The following EDIL3 variants were observed in gnomAD, a reference collection of about 807,000 sequenced individuals.
The protein encoded by EDIL3 is EGF-like repeat and discoidin I-like domain-containing protein 3.
A neutral mutation model predicts 67.4 loss-of-function variants in EDIL3; 37 were observed. The observed-to-expected ratio is 0.55, with a 90% CI of 0.42 to 0.72. The LOEUF (loss-of-function observed/expected upper bound fraction) is 0.72, where lower values mean the gene tolerates loss of function less well. Ranked by LOEUF, EDIL3 falls within the 30% of genes least tolerant of loss-of-function variation. The probability of loss-of-function intolerance (pLI) is 0.00; values close to 1 mark genes in which losing one functional copy is unlikely to be tolerated. For synonymous variants in EDIL3, 195 were observed against 196.3 expected, an observed-to-expected ratio of 0.99 and a Z score of 0.05; for missense variants, 527 against 586.3, an observed-to-expected ratio of 0.90 and a Z score of 1.04.
At chr5:84,187,473 T>TA (rs971991467) in intron 3 of EDIL3, among the ~76,000 whole-genome samples, 2 of 152,102 alleles carry the variant, frequency 1.3e-5, no homozygotes, top group Admixed American at 6.6e-5. Context: ...GGTCAATTTT[T>TA]AAAAAATATG....
intron 9 of EDIL3, among the ~76,000 whole-genome samples, chr5:84,041,333 T>C (rs1485773805): frequency 1.3e-5 from 2 of 151,712 alleles, no homozygotes; most frequent in Non-Finnish European, 2.9e-5. Context: ...AGAATCTCCG[T>C]TTTCAGCCAG....
At chr5:84,102,119 C>A (rs762847353) in intron 6 of EDIL3, among the ~76,000 whole-genome samples, 14 of 152,054 alleles carry the variant, frequency 9.2e-5, no homozygotes, top group Non-Finnish European at 1.6e-4. Flanking sequence ...AAATTTAACA[C>A]CTCTCATATT....
At chr5:84,179,088 G>A (rs1423821990) in intron 4 of EDIL3, among the ~76,000 whole-genome samples, 1 of 152,166 alleles carries the variant, frequency 6.6e-6, no homozygotes, top group Admixed American at 6.5e-5. Context: ...GGGGTGGCCA[G>A]TCTGTTTCCC....
intron 9 of EDIL3, among the ~76,000 whole-genome samples, chr5:84,044,104 G>A (rs1340343359): frequency 6.6e-6 from 1 of 151,854 alleles, no homozygotes; most frequent in African/African-American, 2.4e-5. Context: ...CCCCCTCCCT[G>A]TGTCCATGTG....
At chr5:84,209,745 C>G (rs1009408035) in intron 3 of EDIL3, among the ~76,000 whole-genome samples, 4 of 152,086 alleles carry the variant, frequency 2.6e-5, no homozygotes, top group African/African-American at 4.8e-5. Flanking sequence ...TAACACTGAG[C>G]AACAGAGACA....
intron 4 of EDIL3, among the ~76,000 whole-genome samples, chr5:84,175,017 G>A (rs1748878948): frequency 6.6e-6 from 1 of 152,094 alleles, no homozygotes; most frequent in South Asian, 2.1e-4. Context: ...CCAGGTGGAG[G>A]GTGTTAAGTG....
chr5:84,176,202 T>TATATATATATATATATATA (rs1748905142), intron 4 of EDIL3, among the ~76,000 whole-genome samples: 3 of 10,098 alleles, frequency 3.0e-4, no homozygotes, highest in African/African-American at 4.0e-4. Flanking sequence ...ATATATAATA[T>TATATATATATATATATATA]ATATATATAT....
chr5:84,173,564 G>A (rs1469501663), intron 4 of EDIL3, among the ~76,000 whole-genome samples: 8 of 152,138 alleles, frequency 5.3e-5, no homozygotes, highest in Admixed American at 4.6e-4. Context: ...AAACAGGTTA[G>A]GACAGAAGGG....
intron 1 of EDIL3, among the ~76,000 whole-genome samples, chr5:84,344,743 A>G (rs1002192188): frequency 9.9e-5 from 15 of 152,240 alleles, no homozygotes; most frequent in African/African-American, 3.6e-4. Flanking sequence ...ATTAATCCAA[A>G]CAATTCCTTT....
At chr5:84,371,341 A>ATATATATATATG (rs1008172581) in intron 1 of EDIL3, among the ~76,000 whole-genome samples, 2,362 of 129,590 alleles carry the variant, frequency 0.018, 85 homozygotes, top group Non-Finnish European at 0.031. Flanking sequence ...ATATATATAT[A>ATATATATATATG]TGTGTGTGTG....
chr5:83,999,643 A>T (rs1267813832), intron 9 of EDIL3, among the ~76,000 whole-genome samples: 1 of 152,116 alleles, frequency 6.6e-6, no homozygotes, highest in Non-Finnish European at 1.5e-5. Flanking sequence ...TACTTAAAAG[A>T]TCTAGAAAAT....
chr5:84,145,078 T>G (rs1748269625), intron 4 of EDIL3, among the ~76,000 whole-genome samples: 1 of 152,156 alleles, frequency 6.6e-6, no homozygotes, highest in South Asian at 2.1e-4. Flanking sequence ...GCAGCTCCTG[T>G]TCTAAGAGAT....
chr5:84,076,180 T>C (rs933113304), intron 6 of EDIL3, among the ~76,000 whole-genome samples: 2 of 151,936 alleles, frequency 1.3e-5, no homozygotes, highest in African/African-American at 4.8e-5. Context: ...AGAAGACAGG[T>C]TCTCATATTT....
chr5:84,207,862 G>A (rs1008691824), intron 3 of EDIL3, among the ~76,000 whole-genome samples: 16 of 151,956 alleles, frequency 1.1e-4, no homozygotes, highest in African/African-American at 3.9e-4. Flanking sequence ...AGCTGAAACT[G>A]GATCCCTTCC....
chr5:84,334,491 T>G (rs1294101272), intron 1 of EDIL3, among the ~76,000 whole-genome samples: 1 of 152,242 alleles, frequency 6.6e-6, no homozygotes, highest in Admixed American at 6.5e-5. Context: ...TAGAATTTTT[T>G]GTCAATTTGC....
chr5:84,054,745 C>G (rs557077619), intron 9 of EDIL3, among the ~76,000 whole-genome samples: 3 of 152,026 alleles, frequency 2.0e-5, no homozygotes, highest in Non-Finnish European at 4.4e-5. Flanking sequence ...AGGAATCCAA[C>G]TTACAAGGGA....
chr5:84,096,315 G>A (rs539813289), intron 6 of EDIL3, among the ~76,000 whole-genome samples: 1 of 152,280 alleles, frequency 6.6e-6, no homozygotes, highest in African/African-American at 2.4e-5. Context: ...AAGCAGCCAG[G>A]AGGGAGGCTG....
At chr5:84,058,162 A>T (rs189049646) in intron 9 of EDIL3, among the ~76,000 whole-genome samples, 1 of 152,204 alleles carries the variant, frequency 6.6e-6, no homozygotes, top group Admixed American at 6.6e-5. Context: ...AAGGAATGGG[A>T]AGAAGGAGAT....
At chr5:84,287,328 G>A (rs1326095436) in intron 1 of EDIL3, among the ~76,000 whole-genome samples, 4 of 152,060 alleles carry the variant, frequency 2.6e-5, no homozygotes, top group African/African-American at 9.7e-5. Flanking sequence ...GTAAGATGTG[G>A]GTATTTCTCT....
Sources: allele counts gnomAD v4.1 joint callset (sites outside exome capture counted in the v4.1 genomes callset), GRCh38; gene constraint gnomAD v4.1.1; transcripts MANE v1.5; gene names NCBI Gene and HGNC (gene_info 2026-07-23, HGNC 2026-07-21).